The following MAN1A2 variants were observed in gnomAD, a reference collection of about 807,000 sequenced individuals.
MAN1A2 encodes mannosidase alpha class 1A member 2.
MAN1A2 carries 26 observed loss-of-function variants against 75.7 expected under a neutral mutation model. That is an observed-to-expected ratio of 0.34 (90% CI 0.25 to 0.48). The LOEUF (loss-of-function observed/expected upper bound fraction) is 0.48, where lower values mean the gene tolerates loss of function less well. Ranked by LOEUF, MAN1A2 falls within the 20% of genes least tolerant of loss-of-function variation. MAN1A2 has a pLI of 0.99. For synonymous variants in MAN1A2, 247 were observed against 264.6 expected, an observed-to-expected ratio of 0.93 and a Z score of 0.65; for missense variants, 562 against 775.5, an observed-to-expected ratio of 0.72 and a Z score of 3.27.
intron 8 of MAN1A2, among the ~76,000 whole-genome samples, chr1:117,471,232 A>C (rs1238338838): frequency 6.6e-6 from 1 of 151,866 alleles, no homozygotes; most frequent in African/African-American, 2.4e-5. Flanking sequence ...TTGCTTAATA[A>C]TTTAGATAAT....
chr1:117,402,095 GT>G, intron 1 of MAN1A2, 90 bp from the exon 2 acceptor site: 1 of 1,304,186 alleles, frequency 7.7e-7, no homozygotes, highest in Non-Finnish European at 1.1e-6. Context: ...AAGTTCCTGG[GT>G]TTAATGGAGA....
intron 1 of MAN1A2, among the ~76,000 whole-genome samples, chr1:117,369,858 CAT>C (rs1436594941): frequency 1.3e-5 from 2 of 152,120 alleles, no homozygotes; most frequent in Non-Finnish European, 2.9e-5. Flanking sequence ...ATTTGTATAA[CAT>C]ATGAAATATA....
intron 5 of MAN1A2, among the ~76,000 whole-genome samples, chr1:117,436,097 T>C (rs1443055358): frequency 2.6e-5 from 4 of 152,182 alleles, no homozygotes; most frequent in African/African-American, 9.7e-5. Flanking sequence ...TTCAGAAGTC[T>C]AGTCAAGAGA....
At chr1:117,402,050 A>G in intron 1 of MAN1A2, 136 bp from the exon 2 acceptor site, 2 of 810,500 alleles carry the variant, frequency 2.5e-6, no homozygotes, top group Non-Finnish European at 3.8e-6. Context: ...TGTCTCACTG[A>G]TAATTCTTTC....
chr1:117,489,411 T>G (rs1650809859), intron 8 of MAN1A2, among the ~76,000 whole-genome samples: 1 of 152,198 alleles, frequency 6.6e-6, no homozygotes, highest in Admixed American at 6.5e-5. Context: ...ATCTCACTGT[T>G]TTAATTTGCC....
At chr1:117,379,596 A>C in intron 1 of MAN1A2, among the ~76,000 whole-genome samples, 1 of 152,152 alleles carries the variant, frequency 6.6e-6, no homozygotes, top group East Asian at 1.9e-4. Flanking sequence ...TTACTCCAAA[A>C]GGAAACTCTA....
At chr1:117,461,015 T>G (rs1649799671) in intron 7 of MAN1A2, among the ~76,000 whole-genome samples, 1 of 152,176 alleles carries the variant, frequency 6.6e-6, no homozygotes, top group African/African-American at 2.4e-5. Flanking sequence ...ATATTTAAAT[T>G]ACTAGAAATA....
intron 5 of MAN1A2, among the ~76,000 whole-genome samples, chr1:117,438,786 C>T (rs1406855721): frequency 2.6e-5 from 4 of 152,132 alleles, no homozygotes; most frequent in Non-Finnish European, 2.9e-5. Context: ...ACCATATAAC[C>T]TAGATGTGTG....
At chr1:117,520,417 C>A (rs574333413) in intron 12 of MAN1A2, among the ~76,000 whole-genome samples, 2 of 152,118 alleles carry the variant, frequency 1.3e-5, no homozygotes, top group South Asian at 4.2e-4. Flanking sequence ...ACCTTGAAAA[C>A]CCTCAAGACT....
At chr1:117,449,027 G>A (rs11577788) in intron 6 of MAN1A2, among the ~76,000 whole-genome samples, 18,261 of 151,776 alleles carry the variant, frequency 0.12, 1,158 homozygotes, top group Non-Finnish European at 0.14. Flanking sequence ...ATATGTGATC[G>A]GTGATCTTTC....
intron 9 of MAN1A2, chr1:117,494,207 C>T (rs1362381952): frequency 2.6e-5 from 4 of 152,008 alleles, no homozygotes; most frequent in African/African-American, 4.8e-5. Flanking sequence ...ATTTAAATGA[C>T]TTCATACCAT....
chr1:117,500,299 TAA>T (rs1651161610), intron 11 of MAN1A2, among the ~76,000 whole-genome samples: 1 of 151,938 alleles, frequency 6.6e-6, no homozygotes, highest in Non-Finnish European at 1.5e-5. Context: ...GCTACTGCGT[TAA>T]GTGCTGTCAT....
At chr1:117,504,065 TG>T (rs1651279168) in intron 12 of MAN1A2, among the ~76,000 whole-genome samples, 2 of 151,450 alleles carry the variant, frequency 1.3e-5, no homozygotes, top group Non-Finnish European at 3.0e-5. Context: ...ACTGCTGGGA[TG>T]GTTTAGAACA....
chr1:117,511,215 C>T (rs1476199533), intron 12 of MAN1A2, among the ~76,000 whole-genome samples: 1 of 152,012 alleles, frequency 6.6e-6, no homozygotes, highest in Non-Finnish European at 1.5e-5. Flanking sequence ...GGGAAACCAC[C>T]CCCATGATCC....
At chr1:117,390,773 C>CT (rs1009479873) in intron 1 of MAN1A2, among the ~76,000 whole-genome samples, 9 of 150,746 alleles carry the variant, frequency 6.0e-5, no homozygotes, top group African/African-American at 1.7e-4. Flanking sequence ...TTTAACTTTT[C>CT]TTTTTTTTTC....
intron 3 of MAN1A2, among the ~76,000 whole-genome samples, chr1:117,411,103 A>G (rs1647802609): frequency 6.6e-6 from 1 of 151,790 alleles, no homozygotes; most frequent in Non-Finnish European, 1.5e-5. Flanking sequence ...AGTTGATTCT[A>G]AAATCTATGA....
intron 1 of MAN1A2, among the ~76,000 whole-genome samples, chr1:117,380,086 A>G (rs1653282606): frequency 6.6e-6 from 1 of 152,108 alleles, no homozygotes; most frequent in Non-Finnish European, 1.5e-5. Context: ...AGCAGCTGAA[A>G]TGTTTTGTGT....
chr1:117,498,031 A>G (rs1651085717), intron 10 of MAN1A2, among the ~76,000 whole-genome samples: 1 of 151,914 alleles, frequency 6.6e-6, no homozygotes, highest in African/African-American at 2.4e-5. Flanking sequence ...ACTTATGGCA[A>G]AATTGATTCT....
chr1:117,398,053 A>G (rs906753704), intron 1 of MAN1A2, among the ~76,000 whole-genome samples: 2 of 152,108 alleles, frequency 1.3e-5, no homozygotes, highest in Non-Finnish European at 2.9e-5. Context: ...GCATTTTAGT[A>G]TTTTTAAACA....
Sources: allele counts gnomAD v4.1 joint callset (sites outside exome capture counted in the v4.1 genomes callset), GRCh38; gene constraint gnomAD v4.1.1; transcripts MANE v1.5; gene names NCBI Gene and HGNC (gene_info 2026-07-23, HGNC 2026-07-21).